HNRNPM: variants seen among roughly 807,000 people sequenced by gnomAD.
HNRNPM encodes the protein heterogeneous nuclear ribonucleoprotein M, also known as CEA receptor.
HNRNPM carries 11 observed loss-of-function variants against 73.1 expected under a neutral mutation model. That is an observed-to-expected ratio of 0.15 (90% CI 0.09 to 0.25). HNRNPM has a LOEUF of 0.25. Among genes scored for constraint, HNRNPM ranks in the 10% least tolerant of loss-of-function variants. The pLI is 1.00. For synonymous variants in HNRNPM, 407 were observed against 355.2 expected, an observed-to-expected ratio of 1.15 and a Z score of -1.64; for missense variants, 789 against 1,067.9, an observed-to-expected ratio of 0.74 and a Z score of 3.64.
At chr19:8,467,976 G>A (rs10411653) in intron 8 of HNRNPM, among the ~76,000 whole-genome samples, 3 of 152,212 alleles carry the variant, frequency 2.0e-5, no homozygotes, top group African/African-American at 4.8e-5. Flanking sequence ...GCAGTGAGCC[G>A]AGATCGTGCC....
intron 8 of HNRNPM, among the ~76,000 whole-genome samples, chr19:8,468,251 A>ATAAT (rs943174490): frequency 2.0e-5 from 3 of 152,210 alleles, no homozygotes; most frequent in Admixed American, 2.0e-4. Context: ...TGTTGTGAAC[A>ATAAT]TAATTAAGTC....
rs759682003 is a variant in HNRNPM at position 8,465,336 on chromosome 19, G to C, written c.451G>C (p.Glu151Gln). The change falls in exon 6 of 16, where the codon GAA becomes CAA. Residue 151 changes from glutamate to glutamine, a missense_variant. Physicochemically the swap from Glu to Gln is conservative, Grantham distance 29. This residue lies in a region of HNRNPM where 63 missense variants were observed against 147.4 expected (regional missense o/e 0.43). Coordinates refer to ENST00000325495, the MANE Select transcript of HNRNPM (RefSeq NM_005968.5). ...GTGCTTGTTTTAGGATCCTGATGGTGAACATGCCAGGAGAGCAATGCAAAA... is the reference window on the plus strand; with the variant it reads ...GTGCTTGTTTTAGGATCCTGATGGTCAACATGCCAGGAGAGCAATGCAAAA... ...PLKVKEDPDGEHARRAMQKVM... is the reference protein window; with the variant it reads ...PLKVKEDPDGQHARRAMQKVM... The C allele has an allele frequency of 6.2e-7, 1 of 1,605,892 alleles. No homozygotes were observed. The highest frequency in any genetic ancestry group is 8.5e-7 in the Non-Finnish European group (1 of 1,176,706).
chr19:8,461,861 A>G (rs925288573), intron 2 of HNRNPM: 4 of 152,226 alleles, frequency 2.6e-5, no homozygotes, highest in African/African-American at 9.6e-5. Flanking sequence ...TGTGGAGCCT[A>G]GTGCTGTGTG....
chr19:8,482,010 T>G (rs1168763206), intron 12 of HNRNPM, among the ~76,000 whole-genome samples: 2 of 147,912 alleles, frequency 1.4e-5, no homozygotes, highest in Non-Finnish European at 3.0e-5. Context: ...AGTCTCACTC[T>G]TGCCCAGGCT....
In HNRNPM at chr19:8,467,597, G is replaced by T. The variant is rs1353263831; in HGVS notation, c.834+13G>T. 10 of 1,592,564 alleles carry T rather than the reference G, an allele frequency of 6.3e-6. No homozygotes were observed. Among genetic ancestry groups the T allele is most frequent in the Non-Finnish European group, 1.7e-6 (2 of 1,160,502 alleles). On this transcript the variant is annotated intron_variant, in intron 8 of 15. Coordinates refer to ENST00000325495, the MANE Select transcript of HNRNPM (RefSeq NM_005968.5). ...GCACGTCAAGATGGTAAGTCAGTAG[G>T]ATCTTTCTCTGTGATATACTCAAGT...
At chr19:8,464,772 G>A (rs184911674) in intron 5 of HNRNPM, among the ~76,000 whole-genome samples, 1 of 152,084 alleles carries the variant, frequency 6.6e-6, no homozygotes, top group East Asian at 1.9e-4. Flanking sequence ...TAATTGACAG[G>A]ACAGAGAGTT....
intron 12 of HNRNPM, among the ~76,000 whole-genome samples, chr19:8,478,663 C>T (rs1970680969): frequency 1.3e-5 from 2 of 152,138 alleles, no homozygotes; most frequent in South Asian, 4.1e-4. Flanking sequence ...TGTTTTATTG[C>T]TATATCAGTA....
chr19:8,466,118 G>A (rs1192923671), intron 6 of HNRNPM, 117 bp from the exon 7 acceptor site: 2 of 1,005,818 alleles, frequency 2.0e-6, no homozygotes, highest in Non-Finnish European at 2.9e-6. Context: ...ATTAGTTTTT[G>A]TGACATTATT....
In HNRNPM at chr19:8,486,256, G is replaced by C; in HGVS notation, c.1828G>C (p.Ala610Pro). ...CGCTGGCATTGAGCGCATGGGCCTGGCCATGGGTGGCGGTGGCGGTGCCAG... is the reference window on the plus strand; with the variant it reads ...CGCTGGCATTGAGCGCATGGGCCTGCCCATGGGTGGCGGTGGCGGTGCCAG... ...LGAGIERMGL[A>P]MGGGGGASFD... Residue 610 changes from alanine (A) to proline (P), a missense_variant, in exon 14 of 16, where the codon GCC (alanine) becomes CCC (proline). Transcript: ENST00000325495. 1 of 1,602,904 alleles carries C rather than the reference G, an allele frequency of 6.2e-7. No individual in the cohort carries two copies. Among genetic ancestry groups the C allele is most frequent in the Non-Finnish European group, 8.5e-7 (1 of 1,179,770 alleles).
In HNRNPM at chr19:8,485,159, G is replaced by A. The variant is rs571599838; in HGVS notation, c.1175-444G>A. Among the ~76,000 whole-genome samples the A allele has an allele frequency of 2.0e-5, 3 of 152,144 alleles. No homozygotes were observed. The South Asian group carries it at 6.2e-4, about 32-fold the overall frequency. ...TAGAGGGACAGGCTGGGAGGGGAAGGTGGGAGTGACTCCGACTTGTCTCCA... is the reference window on the plus strand; with the variant it reads ...TAGAGGGACAGGCTGGGAGGGGAAGATGGGAGTGACTCCGACTTGTCTCCA... On this transcript the variant is annotated intron_variant, in intron 13 of 15. Transcript: ENST00000325495.
chr19:8,478,759 G>A (rs754020684), intron 12 of HNRNPM, among the ~76,000 whole-genome samples: 10 of 152,174 alleles, frequency 6.6e-5, no homozygotes, highest in Non-Finnish European at 1.3e-4. Context: ...AAACTGCTGC[G>A]TGTACTTGAC....
rs985157004 is a variant in HNRNPM at position 8,462,159 on chromosome 19, A to G, written c.284-370A>G. ...TTTGTATGCATTTCACCTGCTTGCC[A>G]CCAATGAGAGCGTATGTGTAAAACC... is the stretch of plus-strand genomic sequence containing the variant. On this transcript the variant is annotated intron_variant, in intron 2 of 15. Coordinates refer to ENST00000325495, the MANE Select transcript of HNRNPM (RefSeq NM_005968.5). This position sits in a 1 kb window ranked among gnomAD's most constrained non-coding sequence, Gnocchi z 4.5. The G allele has an allele frequency of 4.9e-6, 1 of 205,234 alleles. No individual in the cohort carries two copies. Among genetic ancestry groups the G allele is most frequent in the Non-Finnish European group, 1.0e-5 (1 of 99,378 alleles). 12.7% of individuals were successfully genotyped at this position (205,234 alleles called of 1,614,324 possible). A position where few individuals can be genotyped will look rare whatever the true frequency, so the allele number is the denominator to read the frequency against.
intron 2 of HNRNPM, among the ~76,000 whole-genome samples, chr19:8,460,214 T>C (rs968956290): frequency 6.6e-6 from 1 of 152,250 alleles, no homozygotes; most frequent in African/African-American, 2.4e-5. Flanking sequence ...ATAGTTGTAC[T>C]GACTACATAA....
chr19:8,449,171 A>G (rs1968438412), intron 1 of HNRNPM, among the ~76,000 whole-genome samples: 1 of 151,804 alleles, frequency 6.6e-6, no homozygotes, highest in African/African-American at 2.4e-5. Flanking sequence ...ATTAGAAGAC[A>G]GGGTTTTGGA....
chr19:8,457,411 CT>C (rs1273589386), intron 2 of HNRNPM, among the ~76,000 whole-genome samples: 1 of 152,192 alleles, frequency 6.6e-6, no homozygotes, highest in Non-Finnish European at 1.5e-5. Flanking sequence ...TCATATTCCC[CT>C]GGCATACTGC....
chr19:8,472,171 A>AG (rs1188587528), intron 10 of HNRNPM, among the ~76,000 whole-genome samples: 2 of 126,364 alleles, frequency 1.6e-5, no homozygotes, highest in Non-Finnish European at 3.6e-5. Context: ...GTCCGTCTCC[A>AG]GAAAAAAAAA....
At chr19:8,463,328 G>A (rs140001065) in intron 3 of HNRNPM, among the ~76,000 whole-genome samples, 169 bp from the exon 4 acceptor site, 174 of 152,320 alleles carry the variant, frequency 1.1e-3, no homozygotes, top group African/African-American at 3.8e-3. Context: ...GGAAGGCGAG[G>A]CGAGGCACTT....
chr19:8,485,677 G>A lies in HNRNPM; in HGVS notation c.1249G>A (p.Glu417Lys), dbSNP rs1163117017. 2 of 1,608,026 alleles carry A rather than the reference G, an allele frequency of 1.2e-6. No individual in the cohort carries two copies. Among genetic ancestry groups the A allele is most frequent in the Non-Finnish European group, 1.7e-6 (2 of 1,179,688 alleles). Residue 417 changes from glutamate (E) to lysine (K), a missense_variant, in exon 14 of 16, where the codon GAG becomes AAG. By Grantham distance (56) the Glu-to-Lys change is moderately conservative. Around this residue, in one of 4 missense-constraint regions of HNRNPM, gnomAD observed 604 missense variants for 744.0 expected, o/e 0.81. Transcript: ENST00000325495. ...TGACCGCCTCGGGGGTGCCGGCATG[G>A]AGCGCATGGGCGCGGGCCTGGGCCA... ...GIDRLGGAGM[E>K]RMGAGLGHGM...
At position 8,485,836 on chromosome 19, in the gene HNRNPM, G is replaced by C. The variant is rs756110576; in HGVS notation, c.1408G>C (p.Glu470Gln). 6.2e-7 allele frequency: 1 copy of C among 1,603,686 alleles called. No homozygotes were observed. Among genetic ancestry groups the C allele is most frequent in the South Asian group, 1.1e-5 (1 of 91,052 alleles). Residue 470 changes from glutamate to glutamine, a missense_variant, in exon 14 of 16, where the codon GAG becomes CAG. By Grantham distance (29) the Glu-to-Gln change is conservative. Transcript: ENST00000325495. Reference sequence around the variant, plus strand: ...CCTCGACCACATGGCCTCCAGCATTGAGCGCATGGGCCAGACCATGGAGCG... The same window carrying C: ...CCTCGACCACATGGCCTCCAGCATTCAGCGCATGGGCCAGACCATGGAGCG... ...LGLDHMASSI[E>Q]RMGQTMERIG...
Sources: allele counts gnomAD v4.1 joint callset (sites outside exome capture counted in the v4.1 genomes callset), GRCh38; gene constraint gnomAD v4.1.1; regional missense constraint gnomAD v4.1.1; non-coding constraint Gnocchi (gnomAD v3.1); transcripts MANE v1.5; gene names NCBI Gene and HGNC (gene_info 2026-07-23, HGNC 2026-07-21).